The following CHRM3 variants were observed in gnomAD, a reference collection of about 807,000 sequenced individuals.
CHRM3 encodes cholinergic receptor muscarinic 3.
In CHRM3, 11 loss-of-function variants were observed where a neutral mutation model predicts 41.8. The observed-to-expected ratio is 0.26, with a 90% CI of 0.17 to 0.44. The LOEUF is 0.44. Ranked by LOEUF, CHRM3 falls within the 20% of genes least tolerant of loss-of-function variation. The pLI is 1.00. For synonymous variants in CHRM3, 297 were observed against 301.4 expected (o/e 0.99, Z 0.15); for missense variants, 571 against 745.4 (o/e 0.77, Z 2.72).
intron 1 of CHRM3, among the ~76,000 whole-genome samples, chr1:239,464,422 C>T (rs1271489267): frequency 6.6e-6 from 1 of 152,232 alleles, no homozygotes; most frequent in East Asian, 1.9e-4. Context: ...CTATGGTGAA[C>T]CTTACTTCCC....
intron 1 of CHRM3, among the ~76,000 whole-genome samples, chr1:239,471,569 G>A (rs907229346): frequency 6.6e-6 from 1 of 152,170 alleles, no homozygotes; most frequent in Non-Finnish European, 1.5e-5. Flanking sequence ...ATCAGGAAGA[G>A]GGGCTAGGAG....
At chr1:239,781,356 A>G (rs1016474349) in intron 5 of CHRM3, among the ~76,000 whole-genome samples, 1 of 152,122 alleles carries the variant, frequency 6.6e-6, no homozygotes, top group African/African-American at 2.4e-5. Flanking sequence ...TATTTGGGGG[A>G]AATTAACATT....
chr1:239,581,341 A>C (rs1026138240), intron 3 of CHRM3, among the ~76,000 whole-genome samples: 1 of 151,998 alleles, frequency 6.6e-6, no homozygotes, highest in Non-Finnish European at 1.5e-5. Context: ...ATTAAAACTT[A>C]GATCTTGTTT....
At chr1:239,877,901 T>C (rs1487225060) in intron 6 of CHRM3, among the ~76,000 whole-genome samples, 1 of 151,326 alleles carries the variant, frequency 6.6e-6, no homozygotes, top group Non-Finnish European at 1.5e-5. Context: ...TTTTTTTTTT[T>C]TTTTAATGAG....
chr1:239,655,446 C>T (rs902870996), intron 4 of CHRM3, among the ~76,000 whole-genome samples: 1 of 152,222 alleles, frequency 6.6e-6, no homozygotes, highest in African/African-American at 2.4e-5. Context: ...ATTTTTGCAT[C>T]TGTCGAATGG....
At chr1:239,791,325 G>A (rs574095741) in intron 5 of CHRM3, among the ~76,000 whole-genome samples, 11 of 152,186 alleles carry the variant, frequency 7.2e-5, no homozygotes, top group South Asian at 4.1e-4. Flanking sequence ...GCCTTGTCTC[G>A]AACTCCTGGC....
At position 239,592,101 on chromosome 1, in the gene CHRM3, A is replaced by G. The variant is rs1194536291; in HGVS notation, c.-312-40123A>G. Among the ~76,000 whole-genome samples the G allele has an allele frequency of 2.6e-5, 4 of 152,150 alleles. No homozygotes were observed. In the East Asian group the frequency reaches 5.8e-4, roughly 22 times the overall value. On this transcript the variant is annotated intron_variant, in intron 3 of 6. Coordinates refer to ENST00000676153, the MANE Select transcript of CHRM3 (RefSeq NM_001375978.1). ...GGCGAGGTAGATTGCTTTCTGTAAG[A>G]GGAGCTTATTCATTTGAATTAGGCC...
intron 4 of CHRM3, among the ~76,000 whole-genome samples, chr1:239,646,015 A>G (rs1353018838): frequency 6.6e-6 from 1 of 152,244 alleles, no homozygotes; most frequent in African/African-American, 2.4e-5. Flanking sequence ...AACATGCACA[A>G]TACATGCCAA....
At chr1:239,754,147 G>C (rs1666054748) in intron 5 of CHRM3, among the ~76,000 whole-genome samples, 1 of 152,200 alleles carries the variant, frequency 6.6e-6, no homozygotes, top group African/African-American at 2.4e-5. Flanking sequence ...AGTATGTGCA[G>C]ACTATTTAAC....
At chr1:239,436,032 G>A (rs535274248) in intron 1 of CHRM3, among the ~76,000 whole-genome samples, 50 of 152,204 alleles carry the variant, frequency 3.3e-4, no homozygotes, top group African/African-American at 1.1e-3. Flanking sequence ...GAAAATAGTC[G>A]TGGAAGACAA....
intron 6 of CHRM3, among the ~76,000 whole-genome samples, chr1:239,894,998 T>G (rs1325953027): frequency 1.3e-5 from 2 of 152,178 alleles, no homozygotes; most frequent in Non-Finnish European, 2.9e-5. Flanking sequence ...GGAAGATAAA[T>G]TCGAGGGCAG....
At chr1:239,574,184 G>C (rs1489245385) in intron 3 of CHRM3, among the ~76,000 whole-genome samples, 1 of 152,154 alleles carries the variant, frequency 6.6e-6, no homozygotes, top group African/African-American at 2.4e-5. Flanking sequence ...CTGCCAAAAT[G>C]ATCCTTGTAA....
chr1:239,585,172 TGAG>T (rs1430065889), intron 3 of CHRM3, among the ~76,000 whole-genome samples: 2 of 151,946 alleles, frequency 1.3e-5, no homozygotes, highest in African/African-American at 4.8e-5. Flanking sequence ...CAAATACAGT[TGAG>T]GAGCTTTTGA....
At chr1:239,543,873 T>C (rs1659032676) in intron 2 of CHRM3, among the ~76,000 whole-genome samples, 1 of 152,180 alleles carries the variant, frequency 6.6e-6, no homozygotes, top group South Asian at 2.1e-4. Context: ...ATACTGTTTC[T>C]GTTACAACTA....
intron 6 of CHRM3, among the ~76,000 whole-genome samples, chr1:239,829,369 AAGGCATT>A (rs973454344): frequency 4.6e-5 from 7 of 152,106 alleles, no homozygotes; most frequent in Non-Finnish European, 7.3e-5. Context: ...TGGGACTGGG[AAGGCATT>A]AGTTCAATTG....
At chr1:239,738,652 G>C (rs1460821713) in intron 5 of CHRM3, among the ~76,000 whole-genome samples, 1 of 152,138 alleles carries the variant, frequency 6.6e-6, no homozygotes, top group Non-Finnish European at 1.5e-5. Flanking sequence ...TGAAATGAGA[G>C]AGGGACAAAA....
chr1:239,692,873 G>A (rs1178295553), intron 5 of CHRM3, among the ~76,000 whole-genome samples: 2 of 152,184 alleles, frequency 1.3e-5, no homozygotes, highest in Non-Finnish European at 2.9e-5. Context: ...ATTGTTCAAA[G>A]GACCTGGCTA....
At chr1:239,788,811 G>A (rs557430240) in intron 5 of CHRM3, among the ~76,000 whole-genome samples, 9 of 152,120 alleles carry the variant, frequency 5.9e-5, no homozygotes, top group South Asian at 2.1e-4. Flanking sequence ...AACCCTGAGC[G>A]AAAGACTGTA....
At chr1:239,464,482 T>C (rs1211519791) in intron 1 of CHRM3, among the ~76,000 whole-genome samples, 6 of 152,264 alleles carry the variant, frequency 3.9e-5, no homozygotes, top group African/African-American at 1.4e-4. Context: ...CATTGCTCTC[T>C]TGCCTGGAAC....
Sources: allele counts gnomAD v4.1 joint callset (sites outside exome capture counted in the v4.1 genomes callset), GRCh38; gene constraint gnomAD v4.1.1; transcripts MANE v1.5; gene names NCBI Gene and HGNC (gene_info 2026-07-23, HGNC 2026-07-21).